GNAI3: variants seen among roughly 807,000 people sequenced by gnomAD.
The protein encoded by GNAI3 is G protein subunit alpha i3.
Under a neutral mutation model 41.8 loss-of-function variants are expected in GNAI3, and 12 were observed. The ratio of observed to expected loss-of-function variants is 0.29; its 90% CI spans 0.18 to 0.47. The LOEUF (loss-of-function observed/expected upper bound fraction) is 0.47, where lower values mean the gene tolerates loss of function less well. GNAI3 is among the 20% of genes least tolerant of loss of function. The pLI, the probability that GNAI3 is intolerant of heterozygous loss-of-function variation, is 1.00. For missense variants in GNAI3, 360 were observed against 429.6 expected, an observed-to-expected ratio of 0.84 and a Z score of 1.43; for synonymous variants, 132 against 146.5, an observed-to-expected ratio of 0.90 and a Z score of 0.71.
At chr1:109,578,181 A>G (rs1648797858) in intron 3 of GNAI3, among the ~76,000 whole-genome samples, 1 of 152,078 alleles carries the variant, frequency 6.6e-6, no homozygotes. Flanking sequence ...CTAGAAAACT[A>G]TGGCTATGTC....
chr1:109,573,032 T>G (rs1214140309), intron 1 of GNAI3, among the ~76,000 whole-genome samples: 1 of 151,978 alleles, frequency 6.6e-6, no homozygotes, highest in Non-Finnish European at 1.5e-5. Context: ...CAGTTGAGAG[T>G]CAGAATTGGG....
In GNAI3 at chr1:109,548,616, A is replaced by AC. The variant is rs1429610447; in HGVS notation, c.-104dup. 5 of 719,992 alleles carry AC rather than the reference A, an allele frequency of 6.9e-6. No homozygotes were observed. The highest frequency in any genetic ancestry group is 1.2e-5 in the Non-Finnish European group (5 of 415,538). 44.6% of individuals were successfully genotyped at this position (719,992 alleles called of 1,614,324 possible). On this transcript the variant is annotated 5_prime_UTR_variant, in exon 1 of 9. Transcript: ENST00000369851. The stretch of plus-strand genomic sequence containing the variant: ...GTTCTTCTGGGCGCTAAGGGAGCTG[A>AC]CGGAGAGGGCCACCGCCCAGCAATA...
At chr1:109,564,337 A>G (rs1336535624) in intron 1 of GNAI3, among the ~76,000 whole-genome samples, 2 of 147,884 alleles carry the variant, frequency 1.4e-5, no homozygotes, top group African/African-American at 5.0e-5. Flanking sequence ...CCTTGGTCCC[A>G]TCCGTTTGTT....
At position 109,571,264 on chromosome 1, in the gene GNAI3, C is replaced by G. The variant is rs547484302; in HGVS notation, c.119-2473C>G. On this transcript the variant is annotated intron_variant, in intron 1 of 8. Transcript: ENST00000369851. ...TAGGTTTGTGAAATCTAAATACCTA[C>G]TAGAAATCTAATATCAGGTAGATGG... 5.3e-5 allele frequency among the ~76,000 whole-genome samples: 8 copies of G among 152,206 alleles called. No individual in the cohort carries two copies. In the South Asian group the frequency reaches 1.7e-3, roughly 32 times the overall value.
chr1:109,586,448 C>G, intron 6 of GNAI3, 103 bp downstream of exon 6: 1 of 1,157,174 alleles, frequency 8.6e-7, no homozygotes, highest in South Asian at 1.5e-5. Context: ...TCAACCAAAA[C>G]TTAGTATCTT....
intron 1 of GNAI3, among the ~76,000 whole-genome samples, chr1:109,559,461 C>A (rs1342764919): frequency 6.6e-6 from 1 of 152,110 alleles, no homozygotes; most frequent in Admixed American, 6.5e-5. Context: ...TTAAATTGAA[C>A]CTCAGGGGTC....
At position 109,592,239 on chromosome 1, in the gene GNAI3, A is replaced by T; in HGVS notation, c.*6A>T. The T allele has an allele frequency of 6.3e-7, 1 of 1,584,574 alleles. No homozygotes were observed. The highest frequency in any genetic ancestry group is 1.7e-4 in the Middle Eastern group (1 of 5,994). On this transcript the variant is annotated 3_prime_UTR_variant, in exon 8 of 9. Coordinates refer to ENST00000369851, the MANE Select transcript of GNAI3 (RefSeq NM_006496.4). ...AGGAATGTGGACTTTATTGAGAAGC[A>T]TGGATGTTAGTGAAAGGTAAAGTTT...
chr1:109,571,969 G>A (rs995588154), intron 1 of GNAI3, among the ~76,000 whole-genome samples: 1 of 151,886 alleles, frequency 6.6e-6, no homozygotes, highest in African/African-American at 2.4e-5. Flanking sequence ...GTTTAGATAG[G>A]GAAAAGGGCC....
intron 3 of GNAI3, among the ~76,000 whole-genome samples, chr1:109,575,627 G>C (rs1194475399): frequency 1.4e-5 from 2 of 143,356 alleles, no homozygotes; most frequent in Non-Finnish European, 3.0e-5. Flanking sequence ...TGCCTCCCAG[G>C]TTCAAGCGAT....
intron 1 of GNAI3, among the ~76,000 whole-genome samples, chr1:109,558,616 CT>C (rs796127142): frequency 2.0e-5 from 3 of 151,006 alleles, no homozygotes; most frequent in Non-Finnish European, 4.4e-5. Flanking sequence ...ATCACCCTGG[CT>C]TTTTTTTTGT....
At chr1:109,569,812 GTT>G (rs199959502) in intron 1 of GNAI3, among the ~76,000 whole-genome samples, 2 of 145,284 alleles carry the variant, frequency 1.4e-5, no homozygotes, top group Admixed American at 6.9e-5. Flanking sequence ...AGGGTTTTTT[GTT>G]TTTTTTTTTA....
At chr1:109,573,677 G>A in intron 1 of GNAI3, 60 bp from the exon 2 acceptor site, 10 of 1,329,808 alleles carry the variant, frequency 7.5e-6, no homozygotes, top group Non-Finnish European at 1.1e-5. Flanking sequence ...CATTCATGTT[G>A]ATATTATACT....
rs1649368158 is a variant in GNAI3, at chr1:109,598,402, T to C, written c.*6080T>C. The C allele has an allele frequency of 6.5e-6, 1 of 152,988 alleles. No individual in the cohort carries two copies. Among genetic ancestry groups the C allele is most frequent in the Non-Finnish European group, 1.5e-5 (1 of 68,590 alleles). 9.5% of individuals were successfully genotyped at this position (152,988 alleles called of 1,614,324 possible). A position where few individuals can be genotyped will look rare whatever the true frequency, so the allele number is the denominator to read the frequency against. On this transcript the variant is annotated 3_prime_UTR_variant, in exon 9 of 9. Coordinates refer to ENST00000369851, the MANE Select transcript of GNAI3 (RefSeq NM_006496.4). ...CTTTCAGTCTTAAATCACTCATCTG[T>C]TATCTAAAGATGGACTAAATTATTC...
At chr1:109,583,747 ATTTTTTT>A (rs35202006) in intron 5 of GNAI3, among the ~76,000 whole-genome samples, 11 of 137,320 alleles carry the variant, frequency 8.0e-5, no homozygotes, top group Non-Finnish European at 1.4e-4. Context: ...CGCCCGGCTA[ATTTTTTT>A]TTTTTTTTTT....
chr1:109,596,065 T>G lies in GNAI3; in HGVS notation c.*3743T>G, dbSNP rs920255539. On this transcript the variant is annotated 3_prime_UTR_variant, in exon 9 of 9. Transcript: ENST00000369851. ...AGCTCTTTACATAGCTTTATGATCA[T>G]CATATTTTGTTGTATTGCTCCCAAC... 6.6e-6 allele frequency: 1 copy of G among 152,170 alleles called. No individual in the cohort carries two copies. The highest frequency in any genetic ancestry group is 2.4e-5 in the African/African-American group (1 of 41,432). 9.4% of individuals were successfully genotyped at this position (152,170 alleles called of 1,614,324 possible). A position where few individuals can be genotyped will look rare whatever the true frequency, so the allele number is the denominator to read the frequency against.
At chr1:109,576,712 G>T (rs1019742872) in intron 3 of GNAI3, among the ~76,000 whole-genome samples, 2 of 151,858 alleles carry the variant, frequency 1.3e-5, no homozygotes, top group Non-Finnish European at 2.9e-5. Flanking sequence ...GTAGAGACGG[G>T]GGTTTCTCCA....
chr1:109,557,800 C>G (rs1452928073), intron 1 of GNAI3, among the ~76,000 whole-genome samples: 2 of 152,174 alleles, frequency 1.3e-5, no homozygotes, highest in African/African-American at 4.8e-5. Context: ...CCAGCCTTGT[C>G]ATCTGCCAAC....
chr1:109,580,853 CAT>C (rs758118551), intron 4 of GNAI3, among the ~76,000 whole-genome samples: 11 of 152,190 alleles, frequency 7.2e-5, no homozygotes, highest in Non-Finnish European at 1.3e-4. Context: ...TTATGCAGCA[CAT>C]GACTGTATTT....
intron 4 of GNAI3, 124 bp downstream of exon 4, chr1:109,579,485 T>C (rs768115654): frequency 1.3e-4 from 71 of 558,420 alleles, no homozygotes; most frequent in Admixed American, 2.7e-4. Flanking sequence ...GGATACTTTA[T>C]AAAAATTGTC....
Sources: allele counts gnomAD v4.1 joint callset (sites outside exome capture counted in the v4.1 genomes callset), GRCh38; gene constraint gnomAD v4.1.1; transcripts MANE v1.5; gene names NCBI Gene and HGNC (gene_info 2026-07-23, HGNC 2026-07-21).